The following CSMD1 variants were observed in gnomAD, a reference collection of about 807,000 sequenced individuals.
CSMD1 encodes the protein CUB and sushi domain-containing protein 1.
Under a neutral mutation model 417.5 loss-of-function variants are expected in CSMD1, and 213 were observed. That is an observed-to-expected ratio of 0.51 (90% CI 0.46 to 0.57). The LOEUF (loss-of-function observed/expected upper bound fraction) is 0.57, where lower values mean the gene tolerates loss of function less well. Ranked by LOEUF, CSMD1 falls within the 20% of genes least tolerant of loss-of-function variation. CSMD1 has a pLI of 0.00. For synonymous variants in CSMD1, 2,862 were observed against 1,736.8 expected (o/e 1.65, Z -16.11); for missense variants, 6,923 against 4,529.7 (o/e 1.53, Z -15.17).
chr8:4,726,979 G>C (rs778090996), intron 1 of CSMD1, among the ~76,000 whole-genome samples: 40 of 151,864 alleles, frequency 2.6e-4, no homozygotes, highest in Admixed American at 1.8e-3. Flanking sequence ...GAGATGATTA[G>C]GATGGAAAAT....
chr8:3,737,843 C>G (rs1220743257), intron 6 of CSMD1, among the ~76,000 whole-genome samples: 1 of 152,166 alleles, frequency 6.6e-6, no homozygotes, highest in African/African-American at 2.4e-5. Context: ...CAAAACATAA[C>G]CCATTTAATG....
chr8:3,535,159 G>A (rs113274015), intron 10 of CSMD1, among the ~76,000 whole-genome samples: 21 of 151,900 alleles, frequency 1.4e-4, no homozygotes, highest in African/African-American at 4.3e-4. Flanking sequence ...TCACCATGGT[G>A]CCCATGCTGG....
intron 56 of CSMD1, 137 bp downstream of exon 56, chr8:2,974,314 G>T: frequency 2.5e-6 from 2 of 791,688 alleles, no homozygotes; most frequent in African/African-American, 1.7e-5. Context: ...TATTTGGCTA[G>T]AAATGCAATA....
At chr8:3,125,100 G>A (rs1227468384) in intron 41 of CSMD1, among the ~76,000 whole-genome samples, 2 of 152,130 alleles carry the variant, frequency 1.3e-5, no homozygotes, top group East Asian at 3.9e-4. Context: ...TGGATTCACT[G>A]TCACACTTCA....
At chr8:4,965,176 T>G (rs979660095) in intron 1 of CSMD1, among the ~76,000 whole-genome samples, 1 of 152,196 alleles carries the variant, frequency 6.6e-6, no homozygotes, top group Non-Finnish European at 1.5e-5. Context: ...TCATGAGTTA[T>G]GTATCTAAGA....
At chr8:4,414,296 C>T (rs1295674419) in intron 3 of CSMD1, among the ~76,000 whole-genome samples, 1 of 152,138 alleles carries the variant, frequency 6.6e-6, no homozygotes, top group Non-Finnish European at 1.5e-5. Context: ...TAAGAGGAAG[C>T]CCCGCCCATC....
At chr8:4,909,807 C>A (rs890890072) in intron 1 of CSMD1, among the ~76,000 whole-genome samples, 4 of 152,158 alleles carry the variant, frequency 2.6e-5, no homozygotes, top group African/African-American at 7.2e-5. Flanking sequence ...GTGGACCCAC[C>A]TGTCCTTCAT....
chr8:4,297,886 T>C (rs911008439), intron 3 of CSMD1, among the ~76,000 whole-genome samples: 1 of 152,148 alleles, frequency 6.6e-6, no homozygotes, highest in Non-Finnish European at 1.5e-5. Flanking sequence ...AGAAAATTTA[T>C]CGAATGTTTT....
In CSMD1 at chr8:3,903,168, G is replaced by A. The variant is rs375708012; in HGVS notation, c.818+94735C>T. Among the ~76,000 whole-genome samples the A allele has an allele frequency of 1.1e-4, 16 of 152,180 alleles. No individual in the cohort carries two copies. In the South Asian group the frequency reaches 1.7e-3, roughly 16 times the overall value. ...GTATGAGCTCTGCATTCCATTTAGC[G>A]ATTGAGTATTAAGTGTTCTTCTTAC... On this transcript the variant is annotated intron_variant, in intron 5 of 69. Transcript: ENST00000635120.
intron 3 of CSMD1, among the ~76,000 whole-genome samples, chr8:4,085,286 A>G (rs564614407): frequency 1.1e-4 from 17 of 152,290 alleles, no homozygotes; most frequent in Admixed American, 5.2e-4. Flanking sequence ...GAATAAGAAC[A>G]TCCTTATCTA....
rs368112459 is a variant in CSMD1 at position 4,458,373 on chromosome 8, A to G, written c.303-38308T>C. On this transcript the variant is annotated intron_variant, in intron 2 of 69. Coordinates refer to ENST00000635120, the MANE Select transcript of CSMD1 (RefSeq NM_033225.6). ...GTAATCATAATAATGAAATTAATTT[A>G]TAAACCTAAAGTTATTACAAGTTTA... Among the ~76,000 whole-genome samples, 6 of 152,326 alleles carry G rather than the reference A, an allele frequency of 3.9e-5. No homozygotes were observed. The South Asian group carries it at 8.3e-4, about 21-fold the overall frequency.
intron 3 of CSMD1, among the ~76,000 whole-genome samples, chr8:4,037,144 G>A (rs1797664886): frequency 6.6e-6 from 1 of 152,342 alleles, no homozygotes. Flanking sequence ...TTAAGTGAAT[G>A]TAGAGCTCAC....
intron 5 of CSMD1, among the ~76,000 whole-genome samples, chr8:3,915,376 A>G (rs1004674186): frequency 4.9e-5 from 7 of 141,510 alleles, no homozygotes; most frequent in African/African-American, 1.9e-4. Context: ...ACTGCACTCC[A>G]GCCTAGGCGT....
At chr8:3,791,733 G>C (rs1465440492) in intron 5 of CSMD1, among the ~76,000 whole-genome samples, 1 of 152,142 alleles carries the variant, frequency 6.6e-6, no homozygotes, top group South Asian at 2.1e-4. Flanking sequence ...TGAAGCAAGA[G>C]AATCGCTTGA....
At chr8:4,322,087 T>G (rs1585229021) in intron 3 of CSMD1, among the ~76,000 whole-genome samples, 1 of 152,202 alleles carries the variant, frequency 6.6e-6, no homozygotes, top group Admixed American at 6.6e-5. Flanking sequence ...TGAAATGAAC[T>G]CTTTAATTAC....
At chr8:3,312,337 C>G (rs547655015) in intron 23 of CSMD1, among the ~76,000 whole-genome samples, 3 of 152,168 alleles carry the variant, frequency 2.0e-5, no homozygotes, top group Non-Finnish European at 1.5e-5. Flanking sequence ...GATGCCTTTT[C>G]TTGTTTTTGC....
At chr8:4,066,103 G>C (rs988717529) in intron 3 of CSMD1, among the ~76,000 whole-genome samples, 1 of 152,168 alleles carries the variant, frequency 6.6e-6, no homozygotes, top group Admixed American at 6.5e-5. Context: ...ACAGTTCTGA[G>C]CTTCCCCTCC....
intron 3 of CSMD1, among the ~76,000 whole-genome samples, chr8:4,110,023 G>C (rs1386206359): frequency 4.6e-5 from 7 of 152,244 alleles, no homozygotes; most frequent in African/African-American, 1.7e-4. Context: ...AAATGATTAA[G>C]ATAAACTGTG....
At chr8:3,785,681 G>C (rs566100137) in intron 5 of CSMD1, among the ~76,000 whole-genome samples, 1 of 152,154 alleles carries the variant, frequency 6.6e-6, no homozygotes, top group Non-Finnish European at 1.5e-5. Flanking sequence ...GTGAGTGTGG[G>C]CTGTGTGCAT....
Sources: gnomAD v4.1 joint callset for allele counts (sites outside exome capture counted in the v4.1 genomes callset) on GRCh38, gnomAD v4.1.1 for gene constraint, MANE v1.5 for transcripts, NCBI Gene and HGNC (gene_info 2026-07-23, HGNC 2026-07-21) for gene names.